The following SLC5A3 variants were observed in gnomAD, a reference collection of about 807,000 sequenced individuals.
The protein encoded by SLC5A3 is sodium/myo-inositol cotransporter.
SLC5A3 carries 10 observed loss-of-function variants against 43.2 expected under a neutral mutation model. The observed-to-expected ratio is 0.23, with a 90% CI of 0.14 to 0.39. SLC5A3 has a LOEUF of 0.39. Ranked by LOEUF, SLC5A3 falls within the 10% of genes least tolerant of loss-of-function variation. SLC5A3 has a pLI of 1.00. For synonymous variants in SLC5A3, 349 were observed against 322.0 expected (o/e 1.08, Z -0.90); for missense variants, 608 against 893.4 (o/e 0.68, Z 4.07).
At chr21:34,087,318 T>C (rs1203494892) in intron 1 of SLC5A3, among the ~76,000 whole-genome samples, 1 of 152,020 alleles carries the variant, frequency 6.6e-6, no homozygotes, top group African/African-American at 2.4e-5. Context: ...CCACTGTTGA[T>C]GGTAATATAG....
intron 1 of SLC5A3, among the ~76,000 whole-genome samples, chr21:34,091,885 G>T (rs895770259): frequency 6.6e-6 from 1 of 151,622 alleles, no homozygotes; most frequent in Non-Finnish European, 1.5e-5. Flanking sequence ...GACTACCAAG[G>T]AACCCACCTA....
Position 34,100,760 on chromosome 21 carries a change from T to A in SLC5A3, c.*3405T>A. ...AGAGTGTGTCTGTATTCGCAGTCCA[T>A]GGCTCATTTTCTTTATAGTAGGCAT... On this transcript the variant is annotated 3_prime_UTR_variant, in exon 2 of 2. Transcript: ENST00000381151. 4 of 1,000,238 alleles carry A rather than the reference T, an allele frequency of 4.0e-6. No individual in the cohort carries two copies. The South Asian group carries it at 1.9e-4, about 47-fold the overall frequency. 62.0% of individuals were successfully genotyped at this position (1,000,238 alleles called of 1,614,324 possible).
chr21:34,088,487 C>T (rs16991178), intron 1 of SLC5A3, among the ~76,000 whole-genome samples: 2,854 of 152,298 alleles, frequency 0.019, 71 homozygotes, highest in African/African-American at 0.061. Flanking sequence ...TTTTATCTTA[C>T]GTGCTGTTTG....
In SLC5A3 at chr21:34,095,395, T is replaced by C. The variant is rs776093015; in HGVS notation, c.197T>C (p.Ile66Thr). ...AGCAATATTGGGAGTGAGCACTTCA[T>C]TGGGCTGGCAGGATCTGGAGCTGCA... is the stretch of plus-strand genomic sequence containing the variant. ...FVSNIGSEHFIGLAGSGAASG... is the reference protein window; with the variant it reads ...FVSNIGSEHFTGLAGSGAASG... Residue 66 changes from isoleucine (I) to threonine (T), a missense_variant, in exon 2 of 2, where the codon ATT becomes ACT. Coordinates refer to ENST00000381151, the MANE Select transcript of SLC5A3 (RefSeq NM_006933.7). The C allele has an allele frequency of 1.2e-6, 2 of 1,614,116 alleles. No individual in the cohort carries two copies. The highest frequency in any genetic ancestry group is 1.1e-5 in the South Asian group (1 of 91,080).
At position 34,105,972 on chromosome 21, in the gene SLC5A3, T is replaced by G. The variant is rs1979458130; in HGVS notation, c.*8617T>G. ...ATTGTAAACATGTATGATCTTGGTTTCATGTGTTTTTGAAAGTGTTATTGT... is the reference window on the plus strand; with the variant it reads ...ATTGTAAACATGTATGATCTTGGTTGCATGTGTTTTTGAAAGTGTTATTGT... On this transcript the variant is annotated 3_prime_UTR_variant, in exon 2 of 2. Coordinates refer to ENST00000381151, the MANE Select transcript of SLC5A3 (RefSeq NM_006933.7). 1 of 994,788 alleles carries G rather than the reference T, an allele frequency of 1.0e-6. No homozygotes were observed. The highest frequency in any genetic ancestry group is 1.2e-6 in the Non-Finnish European group (1 of 825,074). The allele number at this position is 994,788 out of a possible 1,614,324, so 61.6% of individuals were successfully genotyped here.
rs749134172 is a variant in SLC5A3 at position 34,097,160 on chromosome 21, C to T, written c.1962C>T (p.Tyr654=). ...AAGAAACGGATGATGGAGGTCGGTA[C>T]TGGAAGTTCATAGACTGGTTTTGTG... ...RKKETDDGGR[Y]WKFIDWFCGF... Residue 654 remains tyrosine, a synonymous_variant, in exon 2 of 2, where the codon TAC becomes TAT. Coordinates refer to ENST00000381151, the MANE Select transcript of SLC5A3 (RefSeq NM_006933.7). The T allele has an allele frequency of 1.2e-6, 2 of 1,614,032 alleles. No homozygotes were observed. The highest frequency in any genetic ancestry group is 1.7e-6 in the Non-Finnish European group (2 of 1,179,964).
Position 34,100,068 on chromosome 21 carries a change from T to A in SLC5A3, c.*2713T>A. 1 of 996,948 alleles carries A rather than the reference T, an allele frequency of 1.0e-6. No individual in the cohort carries two copies. Among genetic ancestry groups the A allele is most frequent in the Non-Finnish European group, 1.2e-6 (1 of 827,022 alleles). 61.8% of individuals were successfully genotyped at this position (996,948 alleles called of 1,614,324 possible). A position where few individuals can be genotyped will look rare whatever the true frequency, so the allele number is the denominator to read the frequency against. On this transcript the variant is annotated 3_prime_UTR_variant, in exon 2 of 2. Coordinates refer to ENST00000381151, the MANE Select transcript of SLC5A3 (RefSeq NM_006933.7). ...AAATGATGACATTGGTCTTTAGACA[T>A]TAACATGTGTATATTTTTATATTAG...
At chr21:34,075,517 T>G (rs890882372) in intron 1 of SLC5A3, among the ~76,000 whole-genome samples, 2 of 152,032 alleles carry the variant, frequency 1.3e-5, no homozygotes, top group African/African-American at 4.8e-5. Flanking sequence ...TAACCTTCCT[T>G]GAAATCTTCG....
intron 1 of SLC5A3, among the ~76,000 whole-genome samples, chr21:34,077,697 A>G (rs945072851): frequency 1.3e-5 from 2 of 152,232 alleles, no homozygotes; most frequent in Non-Finnish European, 2.9e-5. Flanking sequence ...ATTATATTTT[A>G]CATTTAGATA....
rs144758111 is a variant in SLC5A3 at position 34,086,135 on chromosome 21, T to C, written c.-336-8728T>C. ...CTTTCCGGATTTGGCTGGTCACTTA[T>C]GCTGTTTATATATATTCTTCTATTC... On this transcript the variant is annotated intron_variant, in intron 1 of 1. Coordinates refer to ENST00000381151, the MANE Select transcript of SLC5A3 (RefSeq NM_006933.7). 4.6e-5 allele frequency among the ~76,000 whole-genome samples: 7 copies of C among 152,344 alleles called. No homozygotes were observed. The East Asian group carries it at 7.7e-4, about 17-fold the overall frequency.
Position 34,102,169 on chromosome 21 carries a change from G to A in SLC5A3, c.*4814G>A, listed in dbSNP as rs1272506960. 3 of 999,994 alleles carry A rather than the reference G, an allele frequency of 3.0e-6. No individual in the cohort carries two copies. Among genetic ancestry groups the A allele is most frequent in the Non-Finnish European group, 2.4e-6 (2 of 829,858 alleles). The allele number at this position is 999,994 out of a possible 1,614,324, so 61.9% of individuals were successfully genotyped here. A position where few individuals can be genotyped will look rare whatever the true frequency, so the allele number is the denominator to read the frequency against. On this transcript the variant is annotated 3_prime_UTR_variant, in exon 2 of 2. Transcript: ENST00000381151. The stretch of plus-strand genomic sequence containing the variant: ...GACTGTCCTTTGTTGGAATACTTTA[G>A]CTGTTCAGCTACTTTGACTCCTAGG...
chr21:34,098,835 C>G lies in SLC5A3; in HGVS notation c.*1480C>G. The G allele has an allele frequency of 1.0e-6, 1 of 999,898 alleles. No homozygotes were observed. The highest frequency in any genetic ancestry group is 1.2e-6 in the Non-Finnish European group (1 of 829,636). The allele number at this position is 999,898 out of a possible 1,614,324, so 61.9% of individuals were successfully genotyped here. On this transcript the variant is annotated 3_prime_UTR_variant, in exon 2 of 2. Coordinates refer to ENST00000381151, the MANE Select transcript of SLC5A3 (RefSeq NM_006933.7). ...GTGTCTTCGTATGCTCAACACTGTC[C>G]TTTGTCCTCCATGAAAGATGAAGGA...
In SLC5A3 at chr21:34,096,764, G is replaced by A. The variant is rs778548781; in HGVS notation, c.1566G>A (p.Thr522=). ...MYVATGLFWV[T]GLITVIVSLL... ...TGGCCACAGGATTGTTTTGGGTCAC[G>A]GGACTCATTACTGTAATTGTGAGCC... The change falls in exon 2 of 2, where the codon ACG becomes ACA. Residue 522 remains threonine (T), a synonymous_variant. Coordinates refer to ENST00000381151, the MANE Select transcript of SLC5A3 (RefSeq NM_006933.7). This position sits in a 1 kb window ranked among gnomAD's most constrained non-coding sequence, Gnocchi z 5.9. 5.5e-5 allele frequency: 88 copies of A among 1,613,858 alleles called. No homozygotes were observed. Among genetic ancestry groups the A allele is most frequent in the Non-Finnish European group, 7.2e-5 (85 of 1,179,966 alleles).
At chr21:34,084,448 T>C (rs933405935) in intron 1 of SLC5A3, among the ~76,000 whole-genome samples, 46 of 152,234 alleles carry the variant, frequency 3.0e-4, no homozygotes, top group Non-Finnish European at 5.9e-4. Context: ...ATAAACCTCA[T>C]AGTTGCTAGC....
In SLC5A3 at chr21:34,101,143, A is replaced by C. The variant is rs1165569666; in HGVS notation, c.*3788A>C. ...TTCCTAAGAAATCAGAAAAATGATT[A>C]AGTGAGATAAGTACCTGGGTGACAC... On this transcript the variant is annotated 3_prime_UTR_variant, in exon 2 of 2. Transcript: ENST00000381151. 1 of 1,000,052 alleles carries C rather than the reference A, an allele frequency of 1.0e-6. No individual in the cohort carries two copies. Among genetic ancestry groups the C allele is most frequent in the African/African-American group, 1.7e-5 (1 of 57,228 alleles). The allele number at this position is 1,000,052 out of a possible 1,614,324, so 61.9% of individuals were successfully genotyped here. A position where few individuals can be genotyped will look rare whatever the true frequency, so the allele number is the denominator to read the frequency against.
chr21:34,097,027 G>C lies in SLC5A3; in HGVS notation c.1829G>C (p.Arg610Thr). 8 of 1,614,108 alleles carry C rather than the reference G, an allele frequency of 5.0e-6. No homozygotes were observed. The highest frequency in any genetic ancestry group is 6.8e-6 in the Non-Finnish European group (8 of 1,179,986). ...GATGTTAATCTGTTGGTAACCTGCA[G>C]AGAGGAGGGCAACCCAGTGGCATCC... ...PEDVNLLVTC[R>T]EEGNPVASLG... Residue 610 changes from arginine to threonine, a missense_variant, in exon 2 of 2, where the codon AGA becomes ACA. Transcript: ENST00000381151.
rs1569416380 is a variant in SLC5A3 at position 34,095,387 on chromosome 21, G to A, written c.189G>A (p.Glu63=). The change falls in exon 2 of 2, where the codon GAG becomes GAA. Residue 63 remains glutamate (E), a synonymous_variant. Coordinates refer to ENST00000381151, the MANE Select transcript of SLC5A3 (RefSeq NM_006933.7). ...ASLFVSNIGS[E]HFIGLAGSGA... ...TGTTTGTGAGCAATATTGGGAGTGA[G>A]CACTTCATTGGGCTGGCAGGATCTG... is the stretch of plus-strand genomic sequence containing the variant. 3 of 1,614,002 alleles carry A rather than the reference G, an allele frequency of 1.9e-6. No individual in the cohort carries two copies. The highest frequency in any genetic ancestry group is 2.5e-6 in the Non-Finnish European group (3 of 1,180,024).
chr21:34,073,743 CG>C lies in SLC5A3; in HGVS notation c.-337+1del. ...GGCTTTAATCCTGAAAGCCATGCAG[CG>C]GGTAAGTGACCTTCCCTCAGAGCCG... On this transcript the variant is annotated splice_region_variant and 5_prime_UTR_variant, in exon 1 of 2. The change abolishes the stop of an existing upstream ORF in the 5' untranslated region. Coordinates refer to ENST00000381151, the MANE Select transcript of SLC5A3 (RefSeq NM_006933.7). 6.6e-7 allele frequency: 1 copy of C among 1,523,510 alleles called. No homozygotes were observed. The highest frequency in any genetic ancestry group is 8.8e-7 in the Non-Finnish European group (1 of 1,130,352). 94.4% of individuals were successfully genotyped at this position (1,523,510 alleles called of 1,614,324 possible).
Position 34,100,520 on chromosome 21 carries a change from C to T in SLC5A3, c.*3165C>T. On this transcript the variant is annotated 3_prime_UTR_variant, in exon 2 of 2. Transcript: ENST00000381151. ...ATTCAATAGATCTCATCTCCTAGGG[C>T]TTCCTTTTCACTTGGCTCAAAGGAT... 1 of 1,000,232 alleles carries T rather than the reference C, an allele frequency of 1.0e-6. No homozygotes were observed. The highest frequency in any genetic ancestry group is 1.2e-6 in the Non-Finnish European group (1 of 829,974). The allele number at this position is 1,000,232 out of a possible 1,614,324, so 62.0% of individuals were successfully genotyped here. A position where few individuals can be genotyped will look rare whatever the true frequency, so the allele number is the denominator to read the frequency against.
Sources: allele counts gnomAD v4.1 joint callset (sites outside exome capture counted in the v4.1 genomes callset), GRCh38; gene constraint gnomAD v4.1.1; non-coding constraint Gnocchi (gnomAD v3.1); transcripts MANE v1.5; gene names NCBI Gene and HGNC (gene_info 2026-07-23, HGNC 2026-07-21).